The following CDR2 variants were observed in gnomAD, a reference collection of about 807,000 sequenced individuals.
CDR2 encodes cerebellar degeneration-related protein 2.
CDR2 carries 34 observed loss-of-function variants against 48.4 expected under a neutral mutation model. The ratio of observed to expected loss-of-function variants is 0.70; its 90% CI spans 0.53 to 0.94. CDR2 has a LOEUF of 0.94. Ranked by LOEUF, CDR2 falls within the 40% of genes least tolerant of loss-of-function variation. The pLI, the probability that CDR2 is intolerant of heterozygous loss-of-function variation, is 0.00. For missense variants in CDR2, 498 were observed against 549.5 expected (o/e 0.91, Z 0.94); for synonymous variants, 240 against 219.7 (o/e 1.09, Z -0.82).
At chr16:22,350,858 A>C (rs1298988229) in intron 2 of CDR2, among the ~76,000 whole-genome samples, 1 of 152,202 alleles carries the variant, frequency 6.6e-6, no homozygotes, top group Non-Finnish European at 1.5e-5. Context: ...GTTTAACAGA[A>C]ATAAAGCCTA....
intron 2 of CDR2, among the ~76,000 whole-genome samples, chr16:22,350,794 C>G (rs986172606): frequency 6.6e-6 from 1 of 152,074 alleles, no homozygotes; most frequent in Non-Finnish European, 1.5e-5. Flanking sequence ...ACATAACAAT[C>G]CCTTAAGACA....
At chr16:22,367,393 A>G (rs1221357783) in intron 1 of CDR2, among the ~76,000 whole-genome samples, 1 of 152,236 alleles carries the variant, frequency 6.6e-6, no homozygotes, top group East Asian at 1.9e-4. Context: ...TGAAGCTTGA[A>G]GGATGAAGAA....
Position 22,354,928 on chromosome 16 carries a change from A to G in CDR2, c.193-5079T>C, listed in dbSNP as rs1042197535. ...AAATAAATAAAACTTTCTATTGTGG[A>G]TAATCTCAAACATATATACATGCAG... is the stretch of plus-strand genomic sequence containing the variant. On this transcript the variant is annotated intron_variant, in intron 2 of 4. Coordinates refer to ENST00000268383, the MANE Select transcript of CDR2 (RefSeq NM_001802.2). Among the ~76,000 whole-genome samples the G allele has an allele frequency of 3.3e-5, 5 of 152,132 alleles. No individual in the cohort carries two copies. In the East Asian group the frequency reaches 7.7e-4, roughly 23 times the overall value.
chr16:22,349,601 T>C, intron 3 of CDR2, 100 bp downstream of exon 3: 1 of 1,417,840 alleles, frequency 7.1e-7, no homozygotes, highest in Non-Finnish European at 9.7e-7. Context: ...AATTAAACCT[T>C]ATCCCATATT....
chr16:22,368,278 C>T (rs1056026642), intron 1 of CDR2, among the ~76,000 whole-genome samples: 14 of 152,200 alleles, frequency 9.2e-5, no homozygotes, highest in African/African-American at 3.4e-4. Context: ...GGTGCGATCT[C>T]GGCTCACTGC....
rs1165000358 is a variant in CDR2 at position 22,374,216 on chromosome 16, C to A, written c.79+15G>T. ...GCCAGGCCGCCGCCCGCCCGCGGGG[C>A]GCCCCCGCCCTCACCTTGCTGGAGG... On this transcript the variant is annotated intron_variant, in intron 1 of 4. Coordinates refer to ENST00000268383, the MANE Select transcript of CDR2 (RefSeq NM_001802.2). 6.4e-7 allele frequency: 1 copy of A among 1,561,216 alleles called. No individual in the cohort carries two copies. The highest frequency in any genetic ancestry group is 1.4e-5 in the African/African-American group (1 of 70,804).
At chr16:22,366,616 G>A (rs1205216228) in intron 1 of CDR2, among the ~76,000 whole-genome samples, 2 of 152,254 alleles carry the variant, frequency 1.3e-5, no homozygotes, top group East Asian at 1.9e-4. Context: ...GGAGGCTGAG[G>A]AGGGTGGAGC....
intron 1 of CDR2, among the ~76,000 whole-genome samples, chr16:22,370,937 G>A (rs543168399): frequency 2.0e-5 from 3 of 152,202 alleles, no homozygotes; most frequent in Non-Finnish European, 4.4e-5. Context: ...TTCCAGCCAG[G>A]TGCGGTGGTT....
chr16:22,356,958 A>G lies in CDR2; in HGVS notation c.193-7109T>C, dbSNP rs1209370221. Reference sequence around the variant, plus strand: ...TCCATCTCAAAAAAAAAAAAGAAAAAAAAAAAAAAAAAAGAAGACCACCTT... The same window carrying G: ...TCCATCTCAAAAAAAAAAAAGAAAAGAAAAAAAAAAAAAGAAGACCACCTT... On this transcript the variant is annotated intron_variant, in intron 2 of 4. Coordinates refer to ENST00000268383, the MANE Select transcript of CDR2 (RefSeq NM_001802.2). Among the ~76,000 whole-genome samples, 9 of 150,586 alleles carry G rather than the reference A, an allele frequency of 6.0e-5. No individual in the cohort carries two copies. The East Asian group carries it at 1.7e-3, about 29-fold the overall frequency.
chr16:22,352,490 T>C (rs1237328583), intron 2 of CDR2, among the ~76,000 whole-genome samples: 2 of 152,170 alleles, frequency 1.3e-5, no homozygotes, highest in Non-Finnish European at 2.9e-5. Flanking sequence ...GAAAATTCTT[T>C]AAATTTTAGA....
intron 4 of CDR2, 118 bp from the exon 5 acceptor site, chr16:22,347,941 T>C: frequency 1.0e-6 from 1 of 980,176 alleles, no homozygotes; most frequent in South Asian, 1.8e-5. Flanking sequence ...TGACTAATTT[T>C]TTTTTCTTTT....
At chr16:22,353,156 A>G (rs1399153121) in intron 2 of CDR2, among the ~76,000 whole-genome samples, 1 of 152,240 alleles carries the variant, frequency 6.6e-6, no homozygotes, top group Non-Finnish European at 1.5e-5. Context: ...CATAAGCCAG[A>G]CATTAATTTA....
Position 22,374,336 on chromosome 16 carries a change from G to T in CDR2, c.-27C>A. On this transcript the variant is annotated 5_prime_UTR_variant, in exon 1 of 5. Coordinates refer to ENST00000268383, the MANE Select transcript of CDR2 (RefSeq NM_001802.2). The stretch of plus-strand genomic sequence containing the variant: ...TCGGCTGGGTCTTCTAGGGGCAGCG[G>T]CCCCCGCCGCCGTCCCGCCTCAGCC... 6.6e-7 allele frequency: 1 copy of T among 1,521,032 alleles called. No individual in the cohort carries two copies. Among genetic ancestry groups the T allele is most frequent in the South Asian group, 1.2e-5 (1 of 86,454 alleles). The allele number at this position is 1,521,032 out of a possible 1,614,324, so 94.2% of individuals were successfully genotyped here.
At chr16:22,349,564 T>G in intron 3 of CDR2, 121 bp from the exon 4 acceptor site, 1 of 1,401,508 alleles carries the variant, frequency 7.1e-7, no homozygotes, top group Non-Finnish European at 9.8e-7. Context: ...GGATGTCTAT[T>G]TAATCTCCAT....
intron 2 of CDR2, among the ~76,000 whole-genome samples, chr16:22,354,135 A>G (rs2141845501): frequency 6.6e-6 from 1 of 152,282 alleles, no homozygotes; most frequent in Middle Eastern, 3.4e-3. Context: ...TTCCCCTCAA[A>G]CGGCTGAGAC....
chr16:22,349,609 A>G, intron 3 of CDR2, 92 bp downstream of exon 3: 1 of 1,449,216 alleles, frequency 6.9e-7, no homozygotes, highest in Non-Finnish European at 9.5e-7. Context: ...CTTATCCCAT[A>G]TTGACCCAAA....
chr16:22,373,252 C>T (rs908839685), intron 1 of CDR2, among the ~76,000 whole-genome samples: 7 of 152,316 alleles, frequency 4.6e-5, no homozygotes, highest in Admixed American at 2.6e-4. Flanking sequence ...GGCTACTCTA[C>T]GATTGTTCTC....
At chr16:22,369,530 C>T (rs1013853224) in intron 1 of CDR2, among the ~76,000 whole-genome samples, 4 of 152,082 alleles carry the variant, frequency 2.6e-5, no homozygotes, top group South Asian at 4.1e-4. Flanking sequence ...TCCAGTAAAA[C>T]AAAGCACCAG....
chr16:22,369,831 T>TTA (rs2141854724), intron 1 of CDR2, among the ~76,000 whole-genome samples: 1 of 152,112 alleles, frequency 6.6e-6, no homozygotes, highest in African/African-American at 2.4e-5. Flanking sequence ...CCCTTATAGT[T>TTA]TTAATTAAGG....
Sources: gnomAD v4.1 joint callset for allele counts (sites outside exome capture counted in the v4.1 genomes callset) on GRCh38, gnomAD v4.1.1 for gene constraint, MANE v1.5 for transcripts, NCBI Gene and HGNC (gene_info 2026-07-23, HGNC 2026-07-21) for gene names.